The following RNGTT variants were observed in gnomAD, a reference collection of about 807,000 sequenced individuals.
The protein encoded by RNGTT is RNA guanylyltransferase and 5'-phosphatase.
A neutral mutation model predicts 79.3 loss-of-function variants in RNGTT; 33 were observed. The ratio of observed to expected loss-of-function variants is 0.42; its 90% CI spans 0.32 to 0.56. The LOEUF (loss-of-function observed/expected upper bound fraction) is 0.56. Among genes scored for constraint, RNGTT ranks in the 20% least tolerant of loss-of-function variants. The pLI is 0.17. For synonymous variants in RNGTT, 222 were observed against 235.9 expected, an observed-to-expected ratio of 0.94 and a Z score of 0.54; for missense variants, 497 against 739.1, an observed-to-expected ratio of 0.67 and a Z score of 3.80.
At chr6:88,842,291 G>C (rs542157229) in intron 11 of RNGTT, among the ~76,000 whole-genome samples, 1 of 152,022 alleles carries the variant, frequency 6.6e-6, no homozygotes, top group South Asian at 2.1e-4. Flanking sequence ...AAAAGTCTTA[G>C]GAAATAGTCA....
intron 10 of RNGTT, among the ~76,000 whole-genome samples, chr6:88,846,266 T>A (rs9362576): frequency 6.6e-6 from 1 of 152,172 alleles, no homozygotes; most frequent in Admixed American, 6.5e-5. Flanking sequence ...CAAAACACTA[T>A]CCATGCTGCC....
chr6:88,836,251 G>T, intron 11 of RNGTT, among the ~76,000 whole-genome samples: 1 of 150,992 alleles, frequency 6.6e-6, no homozygotes, highest in Non-Finnish European at 1.5e-5. Flanking sequence ...TATAATTGAT[G>T]ACACTTTATA....
At chr6:88,749,607 C>T (rs924835942) in intron 13 of RNGTT, among the ~76,000 whole-genome samples, 4 of 151,872 alleles carry the variant, frequency 2.6e-5, no homozygotes, top group African/African-American at 9.7e-5. Flanking sequence ...GGATGAAATG[C>T]TCCATTTATG....
At chr6:88,848,462 A>G (rs1430903998) in intron 10 of RNGTT, among the ~76,000 whole-genome samples, 3 of 152,062 alleles carry the variant, frequency 2.0e-5, no homozygotes, top group Non-Finnish European at 2.9e-5. Flanking sequence ...GGAAACCTTA[A>G]TGTTCATCAA....
intron 2 of RNGTT, among the ~76,000 whole-genome samples, chr6:88,931,543 T>C (rs1388437426): frequency 6.6e-6 from 1 of 152,198 alleles, no homozygotes; most frequent in African/African-American, 2.4e-5. Flanking sequence ...CAAAAATCAC[T>C]ATGATTTTTA....
At chr6:88,656,325 G>A (rs1301497528) in intron 14 of RNGTT, among the ~76,000 whole-genome samples, 1 of 151,988 alleles carries the variant, frequency 6.6e-6, no homozygotes, top group African/African-American at 2.4e-5. Flanking sequence ...CTACAGTTGT[G>A]GATATGTTAA....
chr6:88,754,796 C>A (rs533103254), intron 13 of RNGTT, among the ~76,000 whole-genome samples: 14 of 152,340 alleles, frequency 9.2e-5, no homozygotes, highest in Non-Finnish European at 1.6e-4. Context: ...AGGACATGTT[C>A]CTGCTGCAGA....
At position 88,891,914 on chromosome 6, in the gene RNGTT, C is replaced by T. The variant is rs757237914; in HGVS notation, c.686G>A (p.Gly229Asp). ...AGTAACACCTTCCAAGAAAATAGCG[C>T]CCTTTAAAAAAAAAATAAGAAAAAT... Reference protein sequence around the residue: ...GKRRKERLKLGAIFLEGVTVK... With the variant: ...GKRRKERLKLDAIFLEGVTVK... The change falls in exon 7 of 16, where the codon GGC becomes GAC. Residue 229 changes from glycine to aspartate, a missense_variant and splice_region_variant. Around this residue, in one of 3 missense-constraint regions of RNGTT, gnomAD observed 440 missense variants for 671.5 expected, o/e 0.66. Transcript: ENST00000369485. 3 of 1,532,172 alleles carry T rather than the reference C, an allele frequency of 2.0e-6. No individual in the cohort carries two copies. The highest frequency in any genetic ancestry group is 2.6e-6 in the Non-Finnish European group (3 of 1,144,352). 94.9% of individuals were successfully genotyped at this position (1,532,172 alleles called of 1,614,324 possible). A position where few individuals can be genotyped will look rare whatever the true frequency, so the allele number is the denominator to read the frequency against.
At chr6:88,830,648 G>C (rs984102944) in intron 11 of RNGTT, among the ~76,000 whole-genome samples, 2 of 151,598 alleles carry the variant, frequency 1.3e-5, no homozygotes, top group Non-Finnish European at 2.9e-5. Flanking sequence ...GAATCCAGGA[G>C]CTGGTTTTTT....
chr6:88,777,616 G>C (rs9351183), intron 12 of RNGTT, among the ~76,000 whole-genome samples: 20,907 of 152,022 alleles, frequency 0.14, 1,575 homozygotes, highest in Middle Eastern at 0.24. Flanking sequence ...GGCTGTTATC[G>C]ATTGGTGTAA....
chr6:88,760,025 CTAATG>C (rs1582426301), intron 13 of RNGTT, among the ~76,000 whole-genome samples: 1 of 151,878 alleles, frequency 6.6e-6, no homozygotes, highest in Non-Finnish European at 1.5e-5. Flanking sequence ...GCGAAAGGTA[CTAATG>C]TAAAGAATAG....
At chr6:88,823,827 A>G (rs975970648) in intron 11 of RNGTT, among the ~76,000 whole-genome samples, 2 of 152,216 alleles carry the variant, frequency 1.3e-5, no homozygotes, top group African/African-American at 4.8e-5. Flanking sequence ...GGCTAACAAA[A>G]GAGTTGAGAT....
At chr6:88,707,150 A>G (rs1485449892) in intron 13 of RNGTT, among the ~76,000 whole-genome samples, 1 of 152,220 alleles carries the variant, frequency 6.6e-6, no homozygotes, top group Non-Finnish European at 1.5e-5. Flanking sequence ...GTATCAGTCA[A>G]TAAGATGAGT....
At chr6:88,613,015 C>G (rs1317627362) in intron 15 of RNGTT, 133 bp from the exon 16 acceptor site, 5 of 772,246 alleles carry the variant, frequency 6.5e-6, no homozygotes, top group Non-Finnish European at 1.0e-5. Context: ...ATGTGCTTCA[C>G]ATTGAACTAT....
chr6:88,879,627 T>A (rs1782632539), intron 8 of RNGTT, among the ~76,000 whole-genome samples: 2 of 152,234 alleles, frequency 1.3e-5, no homozygotes, highest in Non-Finnish European at 2.9e-5. Context: ...ATACATTTAG[T>A]AAATTACATA....
chr6:88,801,517 C>T (rs769496063), intron 12 of RNGTT, 47 bp downstream of exon 12: 3 of 1,439,458 alleles, frequency 2.1e-6, no homozygotes, highest in Non-Finnish European at 2.9e-6. Context: ...TGTACACACA[C>T]ACACAAACAC....
intron 8 of RNGTT, among the ~76,000 whole-genome samples, chr6:88,887,308 A>C (rs1782897878): frequency 6.6e-6 from 1 of 152,204 alleles, no homozygotes; most frequent in African/African-American, 2.4e-5. Flanking sequence ...GATGGAGTCC[A>C]GGACTCATAG....
chr6:88,635,569 C>A (rs2127771057), intron 14 of RNGTT, among the ~76,000 whole-genome samples: 1 of 152,150 alleles, frequency 6.6e-6, no homozygotes, highest in East Asian at 1.9e-4. Context: ...TATCACACTG[C>A]CCAACACATA....
chr6:88,867,131 A>G (rs908756514), intron 8 of RNGTT, among the ~76,000 whole-genome samples: 1 of 152,176 alleles, frequency 6.6e-6, no homozygotes, highest in East Asian at 1.9e-4. Flanking sequence ...TAGAATTGTG[A>G]GAAGCACTAG....
Sources: allele counts gnomAD v4.1 joint callset (sites outside exome capture counted in the v4.1 genomes callset), GRCh38; gene constraint gnomAD v4.1.1; regional missense constraint gnomAD v4.1.1; transcripts MANE v1.5; gene names NCBI Gene and HGNC (gene_info 2026-07-23, HGNC 2026-07-21).